The following CNTNAP2 variants were observed in gnomAD, a reference collection of about 807,000 sequenced individuals.
CNTNAP2 encodes the protein contactin-associated protein-like 2.
A neutral mutation model predicts 155.2 loss-of-function variants in CNTNAP2; 98 were observed. That is an observed-to-expected ratio of 0.63 (90% CI 0.54 to 0.75). The LOEUF (loss-of-function observed/expected upper bound fraction) is 0.75, where lower values mean the gene tolerates loss of function less well. Among genes scored for constraint, CNTNAP2 ranks in the 30% least tolerant of loss-of-function variants. The pLI is 0.00. For synonymous variants in CNTNAP2, 651 were observed against 631.2 expected (o/e 1.03, Z -0.47); for missense variants, 1,727 against 1,688.1 (o/e 1.02, Z -0.40).
intron 11 of CNTNAP2, among the ~76,000 whole-genome samples, chr7:147,527,015 C>CTT (rs888976222): frequency 0.011 from 741 of 65,160 alleles, 137 homozygotes; most frequent in African/African-American, 0.042. Context: ...ACAGGCATTT[C>CTT]TTTTTTTTTT....
intron 21 of CNTNAP2, among the ~76,000 whole-genome samples, chr7:148,299,455 C>G (rs550460430): frequency 2.8e-4 from 43 of 152,334 alleles, no homozygotes; most frequent in African/African-American, 1.0e-3. Context: ...GCAGAGCCAG[C>G]TCAGGCCAGG....
At chr7:146,483,295 A>G (rs1222752045) in intron 1 of CNTNAP2, among the ~76,000 whole-genome samples, 1 of 62,224 alleles carries the variant, frequency 1.6e-5, no homozygotes, top group African/African-American at 1.1e-4. Flanking sequence ...ATATATATAT[A>G]TATATATATA....
intron 1 of CNTNAP2, among the ~76,000 whole-genome samples, chr7:146,235,952 ATG>A (rs34046295): frequency 0.27 from 40,001 of 149,314 alleles, 5,554 homozygotes; most frequent in Admixed American, 0.33. Flanking sequence ...ACATATGGAA[ATG>A]TGTGTGTGTG....
At chr7:147,865,113 C>T (rs1027930657) in intron 13 of CNTNAP2, among the ~76,000 whole-genome samples, 6 of 152,060 alleles carry the variant, frequency 3.9e-5, no homozygotes, top group Non-Finnish European at 4.4e-5. Flanking sequence ...CAATACCTAG[C>T]TTATTGGGAG....
intron 11 of CNTNAP2, among the ~76,000 whole-genome samples, chr7:147,534,985 T>C (rs1799513735): frequency 6.6e-6 from 1 of 152,156 alleles, no homozygotes. Flanking sequence ...GGGGCCTGAC[T>C]CTTCCCTGCC....
intron 15 of CNTNAP2, among the ~76,000 whole-genome samples, chr7:148,104,276 T>G (rs1804162684): frequency 6.6e-6 from 1 of 152,226 alleles, no homozygotes; most frequent in South Asian, 2.1e-4. Context: ...AAGGAAACTT[T>G]GATTTGTGTA....
At chr7:146,940,838 AAGAG>A (rs889341219) in intron 3 of CNTNAP2, among the ~76,000 whole-genome samples, 4 of 124,110 alleles carry the variant, frequency 3.2e-5, no homozygotes, top group Non-Finnish European at 7.2e-5. Flanking sequence ...TATAGAGAGA[AAGAG>A]AGAGAAAGAG....
At chr7:146,512,655 T>C (rs980797480) in intron 1 of CNTNAP2, among the ~76,000 whole-genome samples, 1 of 152,018 alleles carries the variant, frequency 6.6e-6, no homozygotes, top group African/African-American at 2.4e-5. Context: ...AGATATTTAA[T>C]ACTTGACTGT....
intron 1 of CNTNAP2, among the ~76,000 whole-genome samples, chr7:146,210,096 A>G (rs1234619863): frequency 6.6e-6 from 1 of 152,112 alleles, no homozygotes; most frequent in African/African-American, 2.4e-5. Flanking sequence ...CATGTTTTTA[A>G]TAGACATTTT....
intron 3 of CNTNAP2, among the ~76,000 whole-genome samples, chr7:146,865,014 T>TAAAAAAAAAAA (rs1795176311): frequency 9.4e-6 from 1 of 105,872 alleles, no homozygotes; most frequent in African/African-American, 4.0e-5. Context: ...AAAAAAAAAG[T>TAAAAAAAAAAA]ATAAATTTAA....
intron 1 of CNTNAP2, among the ~76,000 whole-genome samples, chr7:146,438,201 TA>T (rs1372061200): frequency 3.3e-5 from 5 of 151,284 alleles, no homozygotes; most frequent in African/African-American, 1.2e-4. Context: ...TATCATATAA[TA>T]AAAAACTCTT....
At chr7:147,196,550 T>C (rs1319659698) in intron 8 of CNTNAP2, among the ~76,000 whole-genome samples, 2 of 152,216 alleles carry the variant, frequency 1.3e-5, no homozygotes, top group Non-Finnish European at 2.9e-5. Context: ...TTAAGTTCAA[T>C]GTAATCTTCA....
intron 21 of CNTNAP2, among the ~76,000 whole-genome samples, chr7:148,357,362 T>G (rs1798536734): frequency 6.6e-6 from 1 of 152,200 alleles, no homozygotes; most frequent in Non-Finnish European, 1.5e-5. Flanking sequence ...ACCTCTTTCC[T>G]TTATAAATTA....
intron 1 of CNTNAP2, among the ~76,000 whole-genome samples, chr7:146,529,835 C>G (rs546770873): frequency 2.6e-5 from 4 of 151,938 alleles, no homozygotes; most frequent in Non-Finnish European, 4.4e-5. Context: ...CATAGTAGCA[C>G]GTGCCTGTAA....
At chr7:147,223,910 C>A (rs1803462383) in intron 8 of CNTNAP2, among the ~76,000 whole-genome samples, 1 of 143,378 alleles carries the variant, frequency 7.0e-6, no homozygotes, top group African/African-American at 2.6e-5. Context: ...CACTGCACTC[C>A]AGCCTGGCAA....
At chr7:147,551,359 T>C (rs1799848163) in intron 11 of CNTNAP2, among the ~76,000 whole-genome samples, 1 of 152,180 alleles carries the variant, frequency 6.6e-6, no homozygotes, top group Admixed American at 6.5e-5. Flanking sequence ...TTCTGGAATA[T>C]TTGAAAATAT....
intron 18 of CNTNAP2, among the ~76,000 whole-genome samples, chr7:148,183,649 G>A (rs905104912): frequency 6.6e-6 from 1 of 151,644 alleles, no homozygotes; most frequent in Non-Finnish European, 1.5e-5. Context: ...ACCCTGCTAA[G>A]TTTTTAATTT....
intron 1 of CNTNAP2, among the ~76,000 whole-genome samples, chr7:146,325,628 A>C: frequency 6.6e-6 from 1 of 151,762 alleles, no homozygotes; most frequent in Non-Finnish European, 1.5e-5. Flanking sequence ...ACACACAGGG[A>C]GAGAGAGAGA....
chr7:146,353,626 C>T (rs932290663), intron 1 of CNTNAP2, among the ~76,000 whole-genome samples: 2 of 152,106 alleles, frequency 1.3e-5, no homozygotes, highest in Non-Finnish European at 2.9e-5. Context: ...TTCAAATCTA[C>T]TAAGGTAGTT....
Sources: gnomAD v4.1 joint callset for allele counts (sites outside exome capture counted in the v4.1 genomes callset) on GRCh38, gnomAD v4.1.1 for gene constraint, MANE v1.5 for transcripts, NCBI Gene and HGNC (gene_info 2026-07-23, HGNC 2026-07-21) for gene names.